Variants in FOXJ3 observed in about 807,000 individuals in gnomAD.
FOXJ3 encodes forkhead box J3, also known as forkhead box protein J3.
Under a neutral mutation model 76.1 loss-of-function variants are expected in FOXJ3, and 22 were observed. The ratio of observed to expected loss-of-function variants is 0.29; its 90% confidence interval spans 0.21 to 0.41. The LOEUF is 0.41. Ranked by LOEUF, FOXJ3 falls within the 10% of genes least tolerant of loss-of-function variation. The pLI, the probability that FOXJ3 is intolerant of heterozygous loss-of-function variation, is 1.00. For synonymous variants in FOXJ3, 269 were observed against 261.2 expected, an observed-to-expected ratio of 1.03 and a Z score of -0.29; for missense variants, 613 against 762.1, an observed-to-expected ratio of 0.80 and a Z score of 2.30.
chr1:42,327,771 G>A (rs1383919260), intron 1 of FOXJ3, among the ~76,000 whole-genome samples: 1 of 152,132 alleles, frequency 6.6e-6, no homozygotes, highest in Non-Finnish European at 1.5e-5. Flanking sequence ...TCAATCAGAA[G>A]ATCAATCTTA....
chr1:42,303,728 G>A (rs1654296111), intron 2 of FOXJ3, among the ~76,000 whole-genome samples: 3 of 152,120 alleles, frequency 2.0e-5, no homozygotes, highest in Non-Finnish European at 4.4e-5. Context: ...TCAGGTAGAA[G>A]GCATTAAATA....
chr1:42,288,506 G>A (rs1401024484), intron 2 of FOXJ3, among the ~76,000 whole-genome samples: 1 of 152,174 alleles, frequency 6.6e-6, no homozygotes, highest in Non-Finnish European at 1.5e-5. Context: ...AATGCTGGCA[G>A]AGGGCTAACA....
intron 4 of FOXJ3, among the ~76,000 whole-genome samples, chr1:42,234,370 T>C (rs1465967613): frequency 6.6e-6 from 1 of 152,212 alleles, no homozygotes; most frequent in Non-Finnish European, 1.5e-5. Context: ...TCGGAGTAGT[T>C]TGATCGTCTG....
chr1:42,199,147 T>C lies in FOXJ3; in HGVS notation c.714A>G (p.Ala238=). The part of the protein sequence containing the change: ...LNNSLSDQSL[A]SVNLNSVGSV... The stretch of plus-strand genomic sequence containing the variant: ...TTCCAACACTGTTCAAATTAACAGA[T>C]GCCAAACTCTGGTCTGAGAGACTGT... Residue 238 remains alanine (A), a synonymous_variant, in exon 7 of 13, where the codon GCA becomes GCG. Transcript: ENST00000361346. 2 of 1,613,686 alleles carry C rather than the reference T, an allele frequency of 1.2e-6. No individual in the cohort carries two copies. Among genetic ancestry groups the C allele is most frequent in the South Asian group, 1.1e-5 (1 of 91,072 alleles).
At chr1:42,294,283 G>A (rs573464577) in intron 2 of FOXJ3, among the ~76,000 whole-genome samples, 1 of 152,262 alleles carries the variant, frequency 6.6e-6, no homozygotes, top group South Asian at 2.1e-4. Flanking sequence ...CTTTCTCAGA[G>A]GTGTCTCCAT....
At chr1:42,230,075 C>G (rs1366246783) in intron 4 of FOXJ3, among the ~76,000 whole-genome samples, 2 of 152,084 alleles carry the variant, frequency 1.3e-5, no homozygotes, top group East Asian at 3.9e-4. Context: ...AATAAATCAA[C>G]AAAAGGGAAA....
Position 42,217,527 on chromosome 1 carries a change from CA to C in FOXJ3, c.528+10355del, listed in dbSNP as rs992742134. On this transcript the variant is annotated intron_variant, in intron 5 of 12. Transcript: ENST00000361346. The stretch of plus-strand genomic sequence containing the variant: ...CTGGCGACAGGGCAAGACTCCGCCT[CA>C]AAAAAAAAAAATCCTTACAATACCA... Among the ~76,000 whole-genome samples the C allele has an allele frequency of 1.2e-3, 167 of 137,952 alleles. 1 individual carries two copies. The highest frequency in any genetic ancestry group is 3.5e-3 in the East Asian group (17 of 4,798). 90.5% of individuals were successfully genotyped at this position (137,952 alleles called of 152,430 possible).
intron 5 of FOXJ3, among the ~76,000 whole-genome samples, chr1:42,215,143 G>A (rs1457757227): frequency 6.6e-6 from 1 of 152,086 alleles, no homozygotes; most frequent in Non-Finnish European, 1.5e-5. Flanking sequence ...GGCAGAAAGG[G>A]AAATCTACAG....
chr1:42,307,859 A>C (rs1244891855), intron 2 of FOXJ3, among the ~76,000 whole-genome samples: 1 of 152,202 alleles, frequency 6.6e-6, no homozygotes, highest in Non-Finnish European at 1.5e-5. Flanking sequence ...ACTACTTTTT[A>C]ATCATAAAAA....
At chr1:42,248,515 C>A (rs560344744) in intron 4 of FOXJ3, among the ~76,000 whole-genome samples, 1 of 130,534 alleles carries the variant, frequency 7.7e-6, no homozygotes, top group East Asian at 2.2e-4. Flanking sequence ...GCCTGGGCGA[C>A]AGAGCAAGAC....
intron 2 of FOXJ3, among the ~76,000 whole-genome samples, chr1:42,302,901 A>C (rs1320181803): frequency 6.6e-6 from 1 of 151,384 alleles, no homozygotes; most frequent in African/African-American, 2.4e-5. Context: ...TCTCCCTGAA[A>C]TAAAAAAAAA....
chr1:42,191,908 C>T (rs548353400), intron 8 of FOXJ3, among the ~76,000 whole-genome samples, 189 bp from the exon 9 acceptor site: 7 of 152,104 alleles, frequency 4.6e-5, no homozygotes, highest in Non-Finnish European at 5.9e-5. Context: ...AATGCCCCAC[C>T]CTCAAGTGGA....
At chr1:42,203,857 G>A (rs933060942) in intron 6 of FOXJ3, among the ~76,000 whole-genome samples, 1 of 152,032 alleles carries the variant, frequency 6.6e-6, no homozygotes, top group Non-Finnish European at 1.5e-5. Context: ...TTAGCCAGGC[G>A]CAGTGGTGGG....
At chr1:42,258,189 T>TG (rs1200498168) in intron 4 of FOXJ3, among the ~76,000 whole-genome samples, 1 of 152,236 alleles carries the variant, frequency 6.6e-6, no homozygotes, top group Non-Finnish European at 1.5e-5. Context: ...CTGACTTCTT[T>TG]GGCTTTATAC....
intron 1 of FOXJ3, among the ~76,000 whole-genome samples, chr1:42,332,979 A>G (rs890450034): frequency 1.3e-5 from 2 of 152,194 alleles, no homozygotes; most frequent in Admixed American, 6.5e-5. Flanking sequence ...TTCTTTCGAT[A>G]TAAGTTGAAG....
At chr1:42,235,744 G>A (rs1454782907) in intron 4 of FOXJ3, among the ~76,000 whole-genome samples, 1 of 152,054 alleles carries the variant, frequency 6.6e-6, no homozygotes, top group Non-Finnish European at 1.5e-5. Flanking sequence ...CGTATTTTTA[G>A]TTGAGACGAG....
At chr1:42,334,420 G>A (rs530232767) in intron 1 of FOXJ3, among the ~76,000 whole-genome samples, 7 of 150,924 alleles carry the variant, frequency 4.6e-5, no homozygotes, top group East Asian at 3.9e-4. Context: ...GGAGCTGGGA[G>A]GGGGGGCGGG....
chr1:42,262,578 G>A (rs548855177), intron 4 of FOXJ3, among the ~76,000 whole-genome samples: 4 of 152,294 alleles, frequency 2.6e-5, no homozygotes, highest in South Asian at 2.1e-4. Context: ...GCCAGGTGCG[G>A]CAGCTCACGC....
chr1:42,262,964 TG>T (rs541816715), intron 4 of FOXJ3, among the ~76,000 whole-genome samples: 4 of 152,200 alleles, frequency 2.6e-5, no homozygotes, highest in Non-Finnish European at 4.4e-5. Context: ...TTACTTATTA[TG>T]ACCAAAATCA....
Sources: allele counts gnomAD v4.1 joint callset (sites outside exome capture counted in the v4.1 genomes callset), GRCh38; gene constraint gnomAD v4.1.1; transcripts MANE v1.5; gene names NCBI Gene and HGNC (gene_info 2026-07-23, HGNC 2026-07-21).